Variants in ZNF804B observed in about 807,000 individuals in gnomAD.
The protein encoded by ZNF804B is zinc finger protein 804B, also known as zinc finger 804B.
In ZNF804B, 80 loss-of-function variants were observed where a neutral mutation model predicts 101.4. That is an observed-to-expected ratio of 0.79 (90% CI 0.66 to 0.95). The LOEUF (loss-of-function observed/expected upper bound fraction) is 0.95. Ranked by LOEUF, ZNF804B falls within the 40% of genes least tolerant of loss-of-function variation. The pLI, the probability that ZNF804B is intolerant of heterozygous loss-of-function variation, is 0.00. For synonymous variants in ZNF804B, 622 were observed against 558.8 expected (o/e 1.11, Z -1.59); for missense variants, 1,673 against 1,561.9 (o/e 1.07, Z -1.20).
chr7:89,220,060 TACGC>T, intron 2 of ZNF804B, among the ~76,000 whole-genome samples: 1 of 130,304 alleles, frequency 7.7e-6, no homozygotes, highest in African/African-American at 3.1e-5. Flanking sequence ...TATACATATA[TACGC>T]ACATATATGT....
intron 1 of ZNF804B, among the ~76,000 whole-genome samples, chr7:88,775,543 C>CT (rs1457811866): frequency 6.6e-6 from 1 of 152,154 alleles, no homozygotes. Context: ...GTAACCATGA[C>CT]TTTTTTGTTG....
intron 1 of ZNF804B, among the ~76,000 whole-genome samples, chr7:89,171,082 AG>A (rs1204840386): frequency 6.6e-6 from 1 of 152,234 alleles, no homozygotes; most frequent in African/African-American, 2.4e-5. Context: ...ATGACCAATA[AG>A]GCTGGTCTGC....
At chr7:89,034,508 T>A (rs1788890608) in intron 1 of ZNF804B, among the ~76,000 whole-genome samples, 1 of 152,156 alleles carries the variant, frequency 6.6e-6, no homozygotes, top group Admixed American at 6.6e-5. Context: ...GTGTTTGGTT[T>A]TCTGTATCTG....
At chr7:88,821,171 A>G (rs1157728581) in intron 1 of ZNF804B, among the ~76,000 whole-genome samples, 1 of 152,170 alleles carries the variant, frequency 6.6e-6, no homozygotes, top group Non-Finnish European at 1.5e-5. Flanking sequence ...TTTCCATGTG[A>G]GTGTATTGAA....
intron 2 of ZNF804B, among the ~76,000 whole-genome samples, chr7:89,229,670 C>T (rs758570601): frequency 3.9e-5 from 6 of 152,120 alleles, no homozygotes; most frequent in Non-Finnish European, 8.8e-5. Context: ...GGCATAAAAT[C>T]AGTAAGAACA....
chr7:89,165,704 A>G (rs144215602), intron 1 of ZNF804B, among the ~76,000 whole-genome samples: 200 of 152,212 alleles, frequency 1.3e-3, no homozygotes, highest in Admixed American at 2.0e-3. Context: ...TGGTTTAAAG[A>G]GTGTGATTAT....
At chr7:89,285,062 T>TA (rs1468458505) in intron 2 of ZNF804B, among the ~76,000 whole-genome samples, 4 of 151,056 alleles carry the variant, frequency 2.6e-5, no homozygotes, top group Non-Finnish European at 4.4e-5. Flanking sequence ...AATTTAAATT[T>TA]AAAAAAAATA....
chr7:88,979,949 C>T (rs1427839014), intron 1 of ZNF804B, among the ~76,000 whole-genome samples: 2 of 150,982 alleles, frequency 1.3e-5, no homozygotes, highest in Non-Finnish European at 2.9e-5. Flanking sequence ...TTTAAATACC[C>T]TGTCTTTCAG....
At chr7:89,314,273 T>C (rs2115952834) in intron 2 of ZNF804B, among the ~76,000 whole-genome samples, 1 of 152,292 alleles carries the variant, frequency 6.6e-6, no homozygotes, top group Non-Finnish European at 1.5e-5. Flanking sequence ...AAATTGACCA[T>C]AGACAACTGA....
At chr7:89,208,008 T>C (rs1788740277) in intron 1 of ZNF804B, among the ~76,000 whole-genome samples, 1 of 152,156 alleles carries the variant, frequency 6.6e-6, no homozygotes, top group Admixed American at 6.6e-5. Flanking sequence ...GTCTTTCCAT[T>C]TTGGTGGGCT....
At chr7:89,294,226 G>T (rs7798893) in intron 2 of ZNF804B, among the ~76,000 whole-genome samples, 1 of 151,896 alleles carries the variant, frequency 6.6e-6, no homozygotes, top group Non-Finnish European at 1.5e-5. Context: ...CTGCATTTTA[G>T]GTAAAAACCA....
chr7:89,222,394 C>T (rs1351396257), intron 2 of ZNF804B, among the ~76,000 whole-genome samples: 1 of 151,914 alleles, frequency 6.6e-6, no homozygotes, highest in Non-Finnish European at 1.5e-5. Flanking sequence ...AGTATTTTTC[C>T]TGTTCCACAC....
At chr7:88,986,360 C>A (rs1168394940) in intron 1 of ZNF804B, among the ~76,000 whole-genome samples, 1 of 152,082 alleles carries the variant, frequency 6.6e-6, no homozygotes, top group Non-Finnish European at 1.5e-5. Flanking sequence ...AATACCTTGT[C>A]TATTTCCCTG....
chr7:89,333,624 T>A lies in ZNF804B; in HGVS notation c.642T>A (p.Asn214Lys). The A allele has an allele frequency of 6.2e-7, 1 of 1,613,534 alleles. No individual in the cohort carries two copies. The highest frequency in any genetic ancestry group is 8.5e-7 in the Non-Finnish European group (1 of 1,179,724). The change falls in exon 4 of 4, where the codon AAT becomes AAA. Residue 214 changes from asparagine (N) to lysine (K), a missense_variant. Coordinates refer to ENST00000333190, the MANE Select transcript of ZNF804B (RefSeq NM_181646.5). The stretch of plus-strand genomic sequence containing the variant: ...CATCTTCAGATCTCAGCAATGCAAA[T>A]CACAGAACAGGAGTATCATTTACTT... ...LQTSSDLSNA[N>K]HRTGVSFTFS...
chr7:88,963,109 A>G (rs1793411370), intron 1 of ZNF804B, among the ~76,000 whole-genome samples: 1 of 151,180 alleles, frequency 6.6e-6, no homozygotes, highest in African/African-American at 2.4e-5. Flanking sequence ...AAAGTAATCT[A>G]CACTTTCAGT....
At chr7:89,170,145 CTT>C (rs1255053701) in intron 1 of ZNF804B, among the ~76,000 whole-genome samples, 1 of 152,180 alleles carries the variant, frequency 6.6e-6, no homozygotes, top group African/African-American at 2.4e-5. Context: ...TCACTAAACA[CTT>C]TATTTTCTTT....
At chr7:89,320,864 G>T (rs1370228834) in intron 2 of ZNF804B, among the ~76,000 whole-genome samples, 2 of 152,028 alleles carry the variant, frequency 1.3e-5, no homozygotes, top group African/African-American at 4.8e-5. Flanking sequence ...TTTTTAAAGT[G>T]CTTCAATTAA....
intron 1 of ZNF804B, among the ~76,000 whole-genome samples, chr7:88,805,357 A>G (rs143650048): frequency 1.5e-3 from 226 of 152,342 alleles, no homozygotes; most frequent in Admixed American, 3.3e-3. Context: ...TAGTAAAAAC[A>G]ACATAATAAA....
rs552667924 is a variant in ZNF804B at position 89,294,524 on chromosome 7, T to C, written c.250-32820T>C. Among the ~76,000 whole-genome samples, 4 of 152,274 alleles carry C rather than the reference T, an allele frequency of 2.6e-5. No homozygotes were observed. The East Asian group carries it at 7.7e-4, about 29-fold the overall frequency. ...TCTCACCTATGTTCTGAAATCTCACTTGAAATATGTCTAATTGCTTTTATC... is the reference window on the plus strand; with the variant it reads ...TCTCACCTATGTTCTGAAATCTCACCTGAAATATGTCTAATTGCTTTTATC... On this transcript the variant is annotated intron_variant, in intron 2 of 3. Coordinates refer to ENST00000333190, the MANE Select transcript of ZNF804B (RefSeq NM_181646.5).
Sources: gnomAD v4.1 joint callset for allele counts (sites outside exome capture counted in the v4.1 genomes callset) on GRCh38, gnomAD v4.1.1 for gene constraint, MANE v1.5 for transcripts, NCBI Gene and HGNC (gene_info 2026-07-23, HGNC 2026-07-21) for gene names.